SLC3A1: variants seen among roughly 807,000 people sequenced by gnomAD.
SLC3A1 encodes amino acid transporter heavy chain SLC3A1.
In SLC3A1, 78 loss-of-function variants were observed where a neutral mutation model predicts 60.3. The observed-to-expected ratio is 1.29, with a 90% CI of 1.08 to 1.56. The LOEUF (loss-of-function observed/expected upper bound fraction) is 1.56. Among genes scored for constraint, SLC3A1 ranks in the 40% most tolerant of loss-of-function variants. SLC3A1 has a pLI of 0.00. For missense variants in SLC3A1, 1,172 were observed against 858.9 expected (o/e 1.36, Z -4.56); for synonymous variants, 392 against 307.9 (o/e 1.27, Z -2.86).
rs1429744655 is a variant in SLC3A1, at chr2:44,275,527, C to T, written c.-9C>T. On this transcript the variant is annotated 5_prime_UTR_variant, in exon 1 of 10. Transcript: ENST00000260649. ...AGGAAGGCACTCCGAAGACATAAGT[C>T]GGTGAGACATGGCTGAAGATAAAAG... 5.0e-6 allele frequency: 8 copies of T among 1,612,656 alleles called. No individual in the cohort carries two copies. The highest frequency in any genetic ancestry group is 5.9e-6 in the Non-Finnish European group (7 of 1,179,338).
chr2:44,280,700 TG>T lies in SLC3A1; in HGVS notation c.431-15del. 3 of 1,585,702 alleles carry T rather than the reference TG, an allele frequency of 1.9e-6. No homozygotes were observed. The highest frequency in any genetic ancestry group is 2.6e-6 in the Non-Finnish European group (3 of 1,155,172). On this transcript the variant is annotated splice_polypyrimidine_tract_variant and intron_variant, in intron 1 of 9. Coordinates refer to ENST00000260649, the MANE Select transcript of SLC3A1 (RefSeq NM_000341.4). Reference sequence around the variant, plus strand: ...ACAAAGTAGGGTTTATTCATGACTTTGACTTTTTTCTTCAGGTATTCAAGAT... The same window carrying T: ...ACAAAGTAGGGTTTATTCATGACTTTACTTTTTTCTTCAGGTATTCAAGAT...
chr2:44,315,673 AAAG>A (rs1272029419), intron 9 of SLC3A1, among the ~76,000 whole-genome samples: 9 of 151,298 alleles, frequency 5.9e-5, no homozygotes, highest in African/African-American at 1.9e-4. Flanking sequence ...AAAAAAAAAA[AAAG>A]CAGAGAATAG....
At chr2:44,298,424 G>T (rs1558461226) in intron 4 of SLC3A1, among the ~76,000 whole-genome samples, 1 of 152,104 alleles carries the variant, frequency 6.6e-6, no homozygotes, top group Admixed American at 6.5e-5. Flanking sequence ...TGCCACCCAG[G>T]CTGGAGTGCA....
intron 4 of SLC3A1, among the ~76,000 whole-genome samples, chr2:44,298,374 C>G (rs1218357181): frequency 2.7e-5 from 4 of 148,212 alleles, no homozygotes; most frequent in Non-Finnish European, 5.9e-5. Flanking sequence ...CCCCCTATCC[C>G]TGCCACTGCC....
chr2:44,288,194 T>G (rs1383030537), intron 4 of SLC3A1, among the ~76,000 whole-genome samples: 2 of 152,048 alleles, frequency 1.3e-5, no homozygotes, highest in East Asian at 1.9e-4. Context: ...GCCCGGCTAA[T>G]TTTTGTATTT....
At chr2:44,301,330 G>C in intron 6 of SLC3A1, 1 of 681,118 alleles carries the variant, frequency 1.5e-6, no homozygotes, top group Non-Finnish European at 2.6e-6. Context: ...TTCCTCTTTT[G>C]TAAAATGATG....
intron 9 of SLC3A1, chr2:44,315,013 C>A (rs1195501973): frequency 7.5e-6 from 1 of 133,458 alleles, no homozygotes; most frequent in Non-Finnish European, 1.5e-5. Flanking sequence ...CTCACCGCAA[C>A]CTCCATCTCC....
At chr2:44,313,759 T>G in intron 8 of SLC3A1, 76 bp from the exon 9 acceptor site, 1 of 1,119,992 alleles carries the variant, frequency 8.9e-7, no homozygotes, top group Non-Finnish European at 1.4e-6. Flanking sequence ...TAAATAATTA[T>G]GAAGTAAATC....
chr2:44,308,433 A>G (rs1305628826), intron 7 of SLC3A1, among the ~76,000 whole-genome samples: 1 of 152,220 alleles, frequency 6.6e-6, no homozygotes, highest in South Asian at 2.1e-4. Context: ...ATTTTTGGCA[A>G]TCATGCCATC....
chr2:44,288,453 C>A (rs1671666218), intron 4 of SLC3A1, among the ~76,000 whole-genome samples: 1 of 151,896 alleles, frequency 6.6e-6, no homozygotes, highest in Admixed American at 6.6e-5. Context: ...TCTTTTTACC[C>A]ACCTAAGCCT....
intron 7 of SLC3A1, among the ~76,000 whole-genome samples, chr2:44,308,904 T>G (rs1672222134): frequency 1.3e-5 from 2 of 152,070 alleles, no homozygotes; most frequent in Admixed American, 1.3e-4. Flanking sequence ...GGCTAACTTC[T>G]TGTATTTTTA....
chr2:44,317,138 C>G (rs1265768770), intron 9 of SLC3A1, among the ~76,000 whole-genome samples: 1 of 152,054 alleles, frequency 6.6e-6, no homozygotes, highest in East Asian at 1.9e-4. Context: ...TAGCCATTAA[C>G]CACTGTGACT....
chr2:44,308,756 A>G (rs1006718135), intron 7 of SLC3A1, among the ~76,000 whole-genome samples: 5 of 151,616 alleles, frequency 3.3e-5, no homozygotes, highest in Non-Finnish European at 5.9e-5. Flanking sequence ...AATTTGAGGC[A>G]GAGTCTTGCT....
intron 4 of SLC3A1, among the ~76,000 whole-genome samples, chr2:44,288,504 C>T (rs1431321432): frequency 6.6e-6 from 1 of 152,026 alleles, no homozygotes; most frequent in Admixed American, 6.6e-5. Context: ...CTTTGTACAA[C>T]AGAATCATGC....
intron 9 of SLC3A1, among the ~76,000 whole-genome samples, chr2:44,317,354 C>G (rs1052691652): frequency 4.0e-5 from 6 of 151,520 alleles, no homozygotes; most frequent in Non-Finnish European, 8.8e-5. Context: ...CCCAACTACT[C>G]AGGAGGCTGA....
Position 44,302,701 on chromosome 2 carries a change from A to G in SLC3A1, c.1137-1442A>G, listed in dbSNP as rs80028110. Among the ~76,000 whole-genome samples, 30 of 152,372 alleles carry G rather than the reference A, an allele frequency of 2.0e-4. No homozygotes were observed. The East Asian group carries it at 4.4e-3, about 23-fold the overall frequency. On this transcript the variant is annotated intron_variant, in intron 6 of 9. Coordinates refer to ENST00000260649, the MANE Select transcript of SLC3A1 (RefSeq NM_000341.4). ...TGAGAGTGCACACCAATAATAAGGC[A>G]AGATGTTATAGGGACTCCAATACAA... is the stretch of plus-strand genomic sequence containing the variant.
chr2:44,316,879 C>T (rs1170853313), intron 9 of SLC3A1, among the ~76,000 whole-genome samples: 1 of 152,006 alleles, frequency 6.6e-6, no homozygotes, highest in Admixed American at 6.5e-5. Flanking sequence ...GACTATCCAA[C>T]AAAACATAAC....
At chr2:44,309,232 C>T (rs1672233922) in intron 7 of SLC3A1, among the ~76,000 whole-genome samples, 1 of 152,158 alleles carries the variant, frequency 6.6e-6, no homozygotes, top group South Asian at 2.1e-4. Context: ...ACCACTAACC[C>T]CTGATATCCT....
At position 44,320,575 on chromosome 2, in the gene SLC3A1, G is replaced by C; in HGVS notation, c.1994G>C (p.Arg665Thr). Residue 665 changes from arginine (R) to threonine (T), a missense_variant, in exon 10 of 10, where the codon AGA becomes ACA. Coordinates refer to ENST00000260649, the MANE Select transcript of SLC3A1 (RefSeq NM_000341.4). ...CATCGCCAAACAGCTTTCAGAGATA[G>C]ATGCTTTGTTTCCAATCGAGCATGC... is the stretch of plus-strand genomic sequence containing the variant. ...LLHRQTAFRDRCFVSNRACYS... is the reference protein window; with the variant it reads ...LLHRQTAFRDTCFVSNRACYS... 6.2e-7 allele frequency: 1 copy of C among 1,614,070 alleles called. No homozygotes were observed.
Sources: gnomAD v4.1 joint callset for allele counts (sites outside exome capture counted in the v4.1 genomes callset) on GRCh38, gnomAD v4.1.1 for gene constraint, MANE v1.5 for transcripts, NCBI Gene and HGNC (gene_info 2026-07-23, HGNC 2026-07-21) for gene names.